AEN: variants seen among roughly 807,000 people sequenced by gnomAD.
AEN encodes apoptosis-enhancing nuclease.
AEN carries 21 observed loss-of-function variants against 17.7 expected under a neutral mutation model. The ratio of observed to expected loss-of-function variants is 1.19; its 90% CI spans 0.84 to 1.71. AEN has a LOEUF of 1.71. AEN is among the 40% of genes most tolerant of loss of function. The pLI is 0.00. For synonymous variants in AEN, 190 were observed against 173.0 expected (o/e 1.10, Z -0.77); for missense variants, 462 against 435.9 (o/e 1.06, Z -0.53).
the AEN span, among the ~76,000 whole-genome samples, chr15:88,608,649 GGTGTTTT>G: frequency 2.0e-5 from 3 of 152,142 alleles, no homozygotes; most frequent in East Asian, 5.8e-4. Flanking sequence ...TCTCAGCTTT[GGTGTTTT>G]GTGTTTGGTG....
chr15:88,622,076 C>T (rs2057794735), intron 1 of AEN, among the ~76,000 whole-genome samples: 1 of 152,152 alleles, frequency 6.6e-6, no homozygotes, highest in Non-Finnish European at 1.5e-5. Context: ...CTAGAACTGC[C>T]CTCTGCCCTC....
chr15:88,621,842 AG>A (rs1267283285), intron 1 of AEN: 1 of 152,186 alleles, frequency 6.6e-6, no homozygotes, highest in Non-Finnish European at 1.5e-5. Flanking sequence ...GCTTGAGGGT[AG>A]GGGTCGTCCG....
chr15:88,616,509 G>A (rs1186295879), upstream of AEN, among the ~76,000 whole-genome samples: 2 of 152,100 alleles, frequency 1.3e-5, no homozygotes, highest in African/African-American at 2.4e-5. Flanking sequence ...GAAGTTGGAG[G>A]GTGAGTTTAG....
chr15:88,629,638 G>A (rs576330664), intron 3 of AEN, among the ~76,000 whole-genome samples: 1 of 152,108 alleles, frequency 6.6e-6, no homozygotes, highest in South Asian at 2.1e-4. Context: ...TGTGTACTGC[G>A]ATTCTCCCAG....
In AEN at chr15:88,626,608, C is replaced by T. The variant is rs575206139; in HGVS notation, c.399C>T (p.Ser133=). ...GGGTAAGCGAGCTGGCCCGCTGTTC[C>T]ATTGTGAGCTACCATGGCAATGTCC... ...RGRVSELARC[S]IVSYHGNVLY... Residue 133 remains serine (S), a synonymous_variant, in exon 2 of 4, where the codon TCC becomes TCT. Transcript: ENST00000332810. 7 of 1,614,116 alleles carry T rather than the reference C, an allele frequency of 4.3e-6. No individual in the cohort carries two copies. In the East Asian group the frequency reaches 1.6e-4, roughly 36 times the overall value.
the AEN span, among the ~76,000 whole-genome samples, chr15:88,607,902 C>G: frequency 6.6e-6 from 1 of 152,032 alleles, no homozygotes; most frequent in African/African-American, 2.4e-5. Context: ...CCCTTTAGAC[C>G]AGACCAGACA....
chr15:88,631,497 C>G lies in AEN; in HGVS notation c.*1203C>G. 1 of 215,668 alleles carries G rather than the reference C, an allele frequency of 4.6e-6. No individual in the cohort carries two copies. The highest frequency in any genetic ancestry group is 9.8e-6 in the Non-Finnish European group (1 of 102,368). 13.4% of individuals were successfully genotyped at this position (215,668 alleles called of 1,614,324 possible). A position where few individuals can be genotyped will look rare whatever the true frequency, so the allele number is the denominator to read the frequency against. ...GCTTAGCTTTGAGATACTAAGCAAG[C>G]GAGGGACTTCACTCTTGAGGCTGTT... On this transcript the variant is annotated 3_prime_UTR_variant, in exon 4 of 4. Coordinates refer to ENST00000332810, the MANE Select transcript of AEN (RefSeq NM_022767.4).
upstream of AEN, among the ~76,000 whole-genome samples, chr15:88,619,749 C>T (rs2057766467): frequency 6.6e-6 from 1 of 151,952 alleles, no homozygotes. Flanking sequence ...TCCCACAGTC[C>T]CCATGCCTGA....
At chr15:88,623,090 A>G (rs985013104) in intron 1 of AEN, among the ~76,000 whole-genome samples, 2 of 152,138 alleles carry the variant, frequency 1.3e-5, no homozygotes, top group Admixed American at 6.5e-5. Flanking sequence ...CCTTTCCCAA[A>G]TTAGTTATTA....
At chr15:88,629,159 A>AG in intron 2 of AEN, 67 bp from the exon 3 acceptor site, 1 of 1,521,586 alleles carries the variant, frequency 6.6e-7, no homozygotes, top group Admixed American at 1.7e-5. Flanking sequence ...AGGGGTTCTC[A>AG]GGGCGTGTCT....
At chr15:88,609,139 G>A in the AEN span, among the ~76,000 whole-genome samples, 3 of 152,214 alleles carry the variant, frequency 2.0e-5, no homozygotes, top group Non-Finnish European at 4.4e-5. Context: ...TGATCATCAC[G>A]GTGCTATCAA....
chr15:88,612,688 C>T, the AEN span, among the ~76,000 whole-genome samples: 2 of 152,010 alleles, frequency 1.3e-5, no homozygotes, highest in African/African-American at 2.4e-5. Flanking sequence ...GCAACCTCCA[C>T]CTCCTGGGTT....
Position 88,629,065 on chromosome 15 carries a change from T to C in AEN, c.541-161T>C, listed in dbSNP as rs937945655. ...CAGTAGAAGGGTCTGGGTTCAGACT[T>C]GGGGCAGCATGGTTGACTGTGGAGC... is the stretch of plus-strand genomic sequence containing the variant. On this transcript the variant is annotated intron_variant, in intron 2 of 3. Coordinates refer to ENST00000332810, the MANE Select transcript of AEN (RefSeq NM_022767.4). 12 of 693,836 alleles carry C rather than the reference T, an allele frequency of 1.7e-5. No homozygotes were observed. In the Admixed American group the frequency reaches 1.8e-4, roughly 10 times the overall value. The allele number at this position is 693,836 out of a possible 1,614,324, so 43.0% of individuals were successfully genotyped here.
intron 3 of AEN, 101 bp downstream of exon 3, chr15:88,629,527 T>A (rs1338995629): frequency 6.5e-6 from 9 of 1,389,872 alleles, no homozygotes; most frequent in Admixed American, 6.4e-5. Context: ...AGCCTCCTTG[T>A]CATTCTCTTC....
At chr15:88,620,488 C>T (rs931598125), upstream of AEN, among the ~76,000 whole-genome samples, 4 of 151,990 alleles carry the variant, frequency 2.6e-5, no homozygotes, top group African/African-American at 7.2e-5. Context: ...GATCTCGGCT[C>T]ACTGCAACCT....
chr15:88,617,687 A>AT (rs1484518471), upstream of AEN, among the ~76,000 whole-genome samples: 1 of 152,022 alleles, frequency 6.6e-6, no homozygotes, highest in Non-Finnish European at 1.5e-5. Flanking sequence ...GGGTTCTGGA[A>AT]ATGGCTCACT....
the AEN span, among the ~76,000 whole-genome samples, chr15:88,610,014 A>G: frequency 6.6e-6 from 1 of 152,150 alleles, no homozygotes; most frequent in Non-Finnish European, 1.5e-5. Flanking sequence ...TTGCTCATGT[A>G]AGCTAGATCA....
In AEN at chr15:88,630,300, GGGCGGGGCTCCCT is replaced by G. The variant is rs745506587; in HGVS notation, c.*10_*22del. 1 of 1,569,366 alleles carries G rather than the reference GGGCGGGGCTCCCT, an allele frequency of 6.4e-7. No homozygotes were observed. On this transcript the variant is annotated 3_prime_UTR_variant, in exon 4 of 4. Transcript: ENST00000332810. The surrounding 1 kb of genome is among the most constrained non-coding windows in gnomAD (Gnocchi z 5.1). ...CACAGGACAGAAGGAATTGAGAAGG[GGGCGGGGCTCCCT>G]GGCTGGGCTTCCGGTGTGGCCGGTA...
At chr15:88,616,512 G>A (rs113876822), upstream of AEN, among the ~76,000 whole-genome samples, 5 of 152,312 alleles carry the variant, frequency 3.3e-5, no homozygotes, top group African/African-American at 1.2e-4. Flanking sequence ...GTTGGAGGGT[G>A]AGTTTAGTGG....
Sources: allele counts gnomAD v4.1 joint callset (sites outside exome capture counted in the v4.1 genomes callset), GRCh38; gene constraint gnomAD v4.1.1; non-coding constraint Gnocchi (gnomAD v3.1); transcripts MANE v1.5; gene names NCBI Gene and HGNC (gene_info 2026-07-23, HGNC 2026-07-21).